The following DUX4 variants were observed in gnomAD, a reference collection of about 807,000 sequenced individuals.
DUX4 encodes double homeobox 4.
At chr4:190,181,230 G>GACAAATCCAACACAACAGTCT (rs1579837009) in intron 1 of DUX4, among the ~76,000 whole-genome samples, 7 of 151,720 alleles carry the variant, frequency 4.6e-5, no homozygotes, top group Non-Finnish European at 8.8e-5. Context: ...TGCCCCCATA[G>GACAAATCCAACACAACAGTCT]GCAAATCCAA....
At chr4:190,179,062 TC>T (rs1742475615), downstream of DUX4, among the ~76,000 whole-genome samples, 1 of 147,288 alleles carries the variant, frequency 6.8e-6, no homozygotes, top group Non-Finnish European at 1.5e-5. Context: ...TAGAAAAGAG[TC>T]CCATTACTTG....
rs1474178732 is a variant in DUX4, at chr4:190,175,245, G to T, written c.*197G>T. 9.6e-5 allele frequency: 15 copies of T among 155,696 alleles called. No homozygotes were observed. Among genetic ancestry groups the T allele is most frequent in the African/African-American group, 2.8e-4 (10 of 35,930 alleles). 9.6% of individuals were successfully genotyped at this position (155,696 alleles called of 1,614,324 possible). A position where few individuals can be genotyped will look rare whatever the true frequency, so the allele number is the denominator to read the frequency against. On this transcript the variant is annotated 3_prime_UTR_variant, in exon 1 of 2. Transcript: ENST00000565211. ...CGCGGAGAACTGCCTTTCTTTCCTGGGCATCCCGGGGATCCCAGAGCCGGC... is the reference window on the plus strand; with the variant it reads ...CGCGGAGAACTGCCTTTCTTTCCTGTGCATCCCGGGGATCCCAGAGCCGGC...
chr4:190,177,191 C>CACCAGAGCCTAGATAAATGTTACAT (rs1742349944), downstream of DUX4, among the ~76,000 whole-genome samples: 7 of 67,178 alleles, frequency 1.0e-4, no homozygotes, highest in East Asian at 1.2e-3. Context: ...TGTCAAAACG[C>CACCAGAGCCTAGATAAATGTTACAT]CCCTGTAGGC....
chr4:190,181,258 T>TGG (rs1742558725), intron 1 of DUX4, among the ~76,000 whole-genome samples: 5 of 150,674 alleles, frequency 3.3e-5, no homozygotes, highest in Admixed American at 6.6e-5. Flanking sequence ...GTCTGTCACC[T>TGG]GGGTGATCAG....
At chr4:190,181,273 G>C (rs1579837092) in intron 1 of DUX4, among the ~76,000 whole-genome samples, 8 of 150,398 alleles carry the variant, frequency 5.3e-5, no homozygotes, top group South Asian at 2.1e-4. Flanking sequence ...GATCAGTGCA[G>C]AAATATGTGA....
downstream of DUX4, among the ~76,000 whole-genome samples, chr4:190,178,219 C>G (rs1579833940): frequency 2.6e-4 from 39 of 149,316 alleles, no homozygotes; most frequent in Admixed American, 8.0e-4. Context: ...CACAATGCCC[C>G]CTGTAGGCAG....
At chr4:190,177,890 TTGAC>T (rs1742393945), downstream of DUX4, among the ~76,000 whole-genome samples, 1 of 20,522 alleles carries the variant, frequency 4.9e-5, no homozygotes, top group South Asian at 1.8e-3. Context: ...AGCCATATCC[TTGAC>T]AAAAGTGACA....
chr4:190,181,709 C>T (rs1579837972), intron 1 of DUX4, among the ~76,000 whole-genome samples: 40 of 145,290 alleles, frequency 2.8e-4, no homozygotes, highest in East Asian at 4.0e-4. Flanking sequence ...CCCCCATAGG[C>T]AGATCCAACA....
chr4:190,178,366 A>ATCCTAGAT (rs1742421030), downstream of DUX4, among the ~76,000 whole-genome samples: 1 of 151,224 alleles, frequency 6.6e-6, no homozygotes, highest in Non-Finnish European at 1.5e-5. Flanking sequence ...CCCTGTAGGC[A>ATCCTAGAT]AAGCCTAGGC....
chr4:190,179,454 G>GTGGT (rs1168106691), downstream of DUX4, among the ~76,000 whole-genome samples: 1 of 48,876 alleles, frequency 2.0e-5, no homozygotes, highest in Non-Finnish European at 3.9e-5. Flanking sequence ...CACCCTGTAA[G>GTGGT]CAGATCCTAG....
At chr4:190,181,244 A>AACAGTCTGCCACCTGGGTGATCAGTGC in intron 1 of DUX4, among the ~76,000 whole-genome samples, 1 of 149,454 alleles carries the variant, frequency 6.7e-6, no homozygotes. Flanking sequence ...AATCCAAGAC[A>AACAGTCTGCCACCTGGGTGATCAGTGC]AGAGTCTGTC....
downstream of DUX4, among the ~76,000 whole-genome samples, chr4:190,178,920 AC>A: frequency 7.3e-6 from 1 of 136,120 alleles, no homozygotes; most frequent in Non-Finnish European, 1.6e-5. Flanking sequence ...CAGATCCAAG[AC>A]AAGAGTCCGT....
At chr4:190,179,086 A>G (rs1272173200), downstream of DUX4, among the ~76,000 whole-genome samples, 1 of 2,064 alleles carries the variant, frequency 4.8e-4, no homozygotes, top group African/African-American at 2.2e-3. Flanking sequence ...TGATCAGTGC[A>G]GAGATATGTC....
intron 1 of DUX4, among the ~76,000 whole-genome samples, chr4:190,183,756 A>C (rs1299131256): frequency 0.02 from 2,267 of 114,304 alleles, 141 homozygotes; most frequent in East Asian, 0.19. Context: ...ATACTTATGA[A>C]TGGCAGAGAT....
chr4:190,177,418 A>AAATCCC, downstream of DUX4, among the ~76,000 whole-genome samples: 5 of 150,710 alleles, frequency 3.3e-5, no homozygotes, highest in Admixed American at 6.6e-5. Context: ...GAGTCTAGAC[A>AAATCCC]AGAGTTACAT....
chr4:190,179,358 CAG>C (rs1742488712), downstream of DUX4, among the ~76,000 whole-genome samples: 1 of 114,488 alleles, frequency 8.7e-6, no homozygotes. Flanking sequence ...GTGATCAGTG[CAG>C]AGATACATCG....
downstream of DUX4, among the ~76,000 whole-genome samples, chr4:190,177,276 C>T (rs1742356865): frequency 1.6e-5 from 2 of 122,098 alleles, no homozygotes; most frequent in Admixed American, 8.7e-5. Flanking sequence ...TAGGTGGGGC[C>T]TAGACAAGAG....
At position 190,181,598 on chromosome 4, in the gene DUX4, CTGGGTGATCAGTGCAGAGATATGTCAG is replaced by C. The variant is rs1742585094; in HGVS notation, n.93-3742_93-3716del. Among the ~76,000 whole-genome samples the C allele has an allele frequency of 7.1e-3, 710 of 100,346 alleles. 6 individuals are homozygous for C. The highest frequency in any genetic ancestry group is 1.0e-2 in the Non-Finnish European group (482 of 48,276). 65.8% of individuals were successfully genotyped at this position (100,346 alleles called of 152,430 possible). A position where few individuals can be genotyped will look rare whatever the true frequency, so the allele number is the denominator to read the frequency against. ...AGAGCCTAGTCAAGCGTTACATCAC[CTGGGTGATCAGTGCAGAGATATGTCAG>C]AAAGCCCCCTGTAGGCAGAGCCTAG... On this transcript the variant is annotated intron_variant and non_coding_transcript_variant, in intron 1 of 2. Coordinates refer to the DUX4 transcript ENST00000563716.
downstream of DUX4, among the ~76,000 whole-genome samples, chr4:190,178,129 CAG>C (rs1742405977): frequency 3.6e-5 from 5 of 140,544 alleles, no homozygotes; most frequent in African/African-American, 1.3e-4. Context: ...GTGATCCGTA[CAG>C]AGTGATGTCA....
Sources: allele counts gnomAD v4.1 joint callset (sites outside exome capture counted in the v4.1 genomes callset), GRCh38; gene constraint gnomAD v4.1.1; transcripts MANE v1.5; gene names NCBI Gene and HGNC (gene_info 2026-07-23, HGNC 2026-07-21).